Variants in BFSP1 observed in about 807,000 individuals in gnomAD.
BFSP1 encodes beaded filament structural protein 1.
BFSP1 carries 38 observed loss-of-function variants against 43.9 expected under a neutral mutation model. The ratio of observed to expected loss-of-function variants is 0.87; its 90% CI spans 0.67 to 1.14. The LOEUF (loss-of-function observed/expected upper bound fraction) is 1.14. BFSP1 is among the 50% of genes most tolerant of loss of function. BFSP1 has a pLI of 0.00. For synonymous variants in BFSP1, 352 were observed against 354.8 expected (o/e 0.99, Z 0.09); for missense variants, 850 against 875.1 (o/e 0.97, Z 0.36).
intron 1 of BFSP1, among the ~76,000 whole-genome samples, chr20:17,568,583 G>A (rs2035150191): frequency 6.6e-6 from 1 of 152,016 alleles, no homozygotes; most frequent in South Asian, 2.1e-4. Flanking sequence ...CTTGGGGATG[G>A]GGCACACAAA....
chr20:17,558,691 C>A, exon 1 of BFSP1: 2 of 1,551,996 alleles, frequency 1.3e-6, no homozygotes, highest in Non-Finnish European at 1.7e-6. Flanking sequence ...CACTTACATA[C>A]TTTCTCCAGC....
chr20:17,533,167 TAGTG>T (rs2034575271), upstream of BFSP1, among the ~76,000 whole-genome samples: 1 of 152,078 alleles, frequency 6.6e-6, no homozygotes, highest in Non-Finnish European at 1.5e-5. Flanking sequence ...CTTGGCAACA[TAGTG>T]AGACCCCCAT....
At chr20:17,520,074 G>A (rs1224302518) in intron 2 of BFSP1, among the ~76,000 whole-genome samples, 9 of 152,158 alleles carry the variant, frequency 5.9e-5, no homozygotes, top group African/African-American at 2.2e-4. Flanking sequence ...CCTAGATCTA[G>A]ACCAGTGGTC....
chr20:17,527,449 C>T (rs1464912440), intron 1 of BFSP1, among the ~76,000 whole-genome samples: 3 of 152,168 alleles, frequency 2.0e-5, no homozygotes, highest in South Asian at 2.1e-4. Context: ...AAGTGATTTC[C>T]GGGCGCGGTG....
chr20:17,522,412 C>T lies in BFSP1; in HGVS notation c.438+2436G>A, dbSNP rs555291648. Among the ~76,000 whole-genome samples the T allele has an allele frequency of 2.8e-4, 42 of 152,344 alleles. 1 individual carries two copies. In the South Asian group the frequency reaches 5.6e-3, roughly 20 times the overall value. On this transcript the variant is annotated intron_variant, in intron 2 of 7. Transcript: ENST00000377873. ...GCTTGCACAAGGCCCTCCCCAGCGT[C>T]CTGCATCTGCCTGCTGTGTTTATGA...
intron 1 of BFSP1, among the ~76,000 whole-genome samples, chr20:17,543,607 AATGCAGACTC>A (rs1175184991): frequency 3.3e-5 from 5 of 152,208 alleles, no homozygotes; most frequent in Non-Finnish European, 7.3e-5. Context: ...CCATTGGGTG[AATGCAGACTC>A]ATCCAAGTTA....
At position 17,514,748 on chromosome 20, in the gene BFSP1, G is replaced by A; in HGVS notation, c.507C>T (p.Ile169=). 6.2e-7 allele frequency: 1 copy of A among 1,614,084 alleles called. No homozygotes were observed. Among genetic ancestry groups the A allele is most frequent in the South Asian group, 1.1e-5 (1 of 91,074 alleles). The part of the protein sequence containing the change: ...QLEAQFLQDD[I]SAAKDRHKKN... ...TCTTGTGCCTGTCCTTTGCCGCACT[G>A]ATATCATCTTGCAGAAATTGGGCTT... Residue 169 remains isoleucine, a synonymous_variant, in exon 3 of 8, where the codon ATC becomes ATT. Coordinates refer to ENST00000377873, the MANE Select transcript of BFSP1 (RefSeq NM_001195.5).
exon 1 of BFSP1, chr20:17,558,791 A>G (rs889030384): frequency 1.9e-5 from 28 of 1,513,110 alleles, no homozygotes; most frequent in Admixed American, 1.7e-4. Flanking sequence ...CCTACCCAGG[A>G]CTCCAAAACC....
At chr20:17,552,150 G>A (rs2034905175) in intron 1 of BFSP1, among the ~76,000 whole-genome samples, 2 of 152,160 alleles carry the variant, frequency 1.3e-5, no homozygotes, top group African/African-American at 2.4e-5. Context: ...GGAACTGGGA[G>A]GATGGTGGGG....
At position 17,494,586 on chromosome 20, in the gene BFSP1, C is replaced by T; in HGVS notation, c.1486G>A (p.Ala496Thr). 1.2e-6 allele frequency: 2 copies of T among 1,614,218 alleles called. No individual in the cohort carries two copies. Among genetic ancestry groups the T allele is most frequent in the Non-Finnish European group, 1.7e-6 (2 of 1,180,046 alleles). ...VSSITAKGGV[A>T]VSVAEDSVLY... ...ACAGAGTCTTCCGCAACAGAAACAG[C>T]CACCCCACCTTTAGCTGTGATGGAG... Residue 496 changes from alanine (A) to threonine (T), a missense_variant, in exon 8 of 8, where the codon GCT becomes ACT. Physicochemically the swap from Ala to Thr is moderately conservative, Grantham distance 58. Transcript: ENST00000377873.
intron 5 of BFSP1, among the ~76,000 whole-genome samples, chr20:17,504,728 G>A (rs1464236811): frequency 6.6e-6 from 1 of 152,204 alleles, no homozygotes; most frequent in Non-Finnish European, 1.5e-5. Context: ...AACTTTATCC[G>A]GAGCCAGGTG....
At chr20:17,553,858 T>TATATAC (rs1247134320) in intron 1 of BFSP1, among the ~76,000 whole-genome samples, 41 of 70,818 alleles carry the variant, frequency 5.8e-4, no homozygotes, top group African/African-American at 3.7e-3. Context: ...TACATATATA[T>TATATAC]ACACATATAT....
At chr20:17,556,359 A>G (rs1047622291) in intron 1 of BFSP1, among the ~76,000 whole-genome samples, 1 of 152,114 alleles carries the variant, frequency 6.6e-6, no homozygotes, top group African/African-American at 2.4e-5. Flanking sequence ...TTAGCTGGGC[A>G]TGGTGGTGTG....
In BFSP1 at chr20:17,494,722, C is replaced by A. The variant is rs759482410; in HGVS notation, c.1350G>T (p.Glu450Asp). 1 of 1,614,160 alleles carries A rather than the reference C, an allele frequency of 6.2e-7. No individual in the cohort carries two copies. The highest frequency in any genetic ancestry group is 8.5e-7 in the Non-Finnish European group (1 of 1,180,036). ...CAGGCTCTTTGGGGCTTCTCACTTT[C>A]TCCTTGACCTTCCTGTATAGTTTCC... is the stretch of plus-strand genomic sequence containing the variant. ...GFGKLYRKVK[E>D]KVRSPKEPET... Residue 450 changes from glutamate to aspartate, a missense_variant, in exon 8 of 8, where the codon GAG (glutamate) becomes GAT (aspartate). By Grantham distance (45) the Glu-to-Asp change is conservative. Transcript: ENST00000377873.
chr20:17,532,407 AAAAAAAAAAAAAAAG>A (rs1280120350), upstream of BFSP1, among the ~76,000 whole-genome samples: 1 of 150,366 alleles, frequency 6.7e-6, no homozygotes, highest in Non-Finnish European at 1.5e-5. Flanking sequence ...TCCGTCTCAA[AAAAAAAAAAAAAAAG>A]AAAAAGAAAA....
chr20:17,538,324 T>C (rs376055047), intron 1 of BFSP1, among the ~76,000 whole-genome samples: 5 of 152,104 alleles, frequency 3.3e-5, no homozygotes, highest in African/African-American at 1.2e-4. Flanking sequence ...AATAAATACA[T>C]AAAATAATAA....
At chr20:17,567,287 T>C (rs6034855) in intron 1 of BFSP1, among the ~76,000 whole-genome samples, 147,225 of 152,280 alleles carry the variant, frequency 0.97, 71,374 homozygotes, top group South Asian at 1. Flanking sequence ...GGTTCACTTA[T>C]TCAATACTTA....
chr20:17,536,805 C>T (rs1052762657), intron 1 of BFSP1, among the ~76,000 whole-genome samples: 1 of 152,190 alleles, frequency 6.6e-6, no homozygotes, highest in African/African-American at 2.4e-5. Context: ...CTGCTGCCTA[C>T]TATTGTGTGA....
At chr20:17,545,299 G>A (rs2034781852) in intron 1 of BFSP1, among the ~76,000 whole-genome samples, 1 of 152,198 alleles carries the variant, frequency 6.6e-6, no homozygotes, top group Non-Finnish European at 1.5e-5. Context: ...GTATGCAGGT[G>A]GCATAACTGG....
Sources: allele counts gnomAD v4.1 joint callset (sites outside exome capture counted in the v4.1 genomes callset), GRCh38; gene constraint gnomAD v4.1.1; transcripts MANE v1.5; gene names NCBI Gene and HGNC (gene_info 2026-07-23, HGNC 2026-07-21).